The following NCAM2 variants were observed in gnomAD, a reference collection of about 807,000 sequenced individuals.
NCAM2 encodes neural cell adhesion molecule 2.
A neutral mutation model predicts 98.1 loss-of-function variants in NCAM2; 30 were observed. The ratio of observed to expected loss-of-function variants is 0.31; its 90% confidence interval spans 0.23 to 0.41. NCAM2 has a LOEUF of 0.41. Ranked by LOEUF, NCAM2 falls within the 10% of genes least tolerant of loss-of-function variation. NCAM2 has a pLI of 1.00. For synonymous variants in NCAM2, 368 were observed against 342.4 expected (o/e 1.07, Z -0.83); for missense variants, 867 against 1,005.8 (o/e 0.86, Z 1.87).
At chr21:21,171,027 A>G (rs1380641703) in intron 1 of NCAM2, among the ~76,000 whole-genome samples, 1 of 152,214 alleles carries the variant, frequency 6.6e-6, no homozygotes, top group Non-Finnish European at 1.5e-5. Flanking sequence ...TTTAAATTTG[A>G]TATTGTAATA....
intron 1 of NCAM2, among the ~76,000 whole-genome samples, chr21:21,202,934 G>A (rs10482917): frequency 6.6e-6 from 1 of 151,800 alleles, no homozygotes; most frequent in Admixed American, 6.6e-5. Context: ...TTTTTATCAG[G>A]GTATATCAGA....
intron 1 of NCAM2, among the ~76,000 whole-genome samples, chr21:21,027,080 A>G (rs181932340): frequency 4.6e-4 from 69 of 150,932 alleles, no homozygotes; most frequent in African/African-American, 1.6e-3. Context: ...CCGGTCTTCA[A>G]CTCCTGACCT....
In NCAM2 at chr21:21,319,704, T is replaced by G. The variant is rs925778799; in HGVS notation, c.620-4679T>G. 9.0e-3 allele frequency among the ~76,000 whole-genome samples: 26 copies of G among 2,888 alleles called. No individual in the cohort carries two copies. The East Asian group carries it at 0.31, about 34-fold the overall frequency. The allele number at this position is 2,888 out of a possible 152,430, so 1.9% of individuals were successfully genotyped here. On this transcript the variant is annotated intron_variant, in intron 5 of 17. Coordinates refer to ENST00000400546, the MANE Select transcript of NCAM2 (RefSeq NM_004540.5). ...AAAGGTCAATAATTTTAGTTGCCTC[T>G]TATTTTTTTTTTATTTTTGATCTTG...
chr21:21,333,278 A>T (rs961590660), intron 6 of NCAM2, among the ~76,000 whole-genome samples: 3 of 152,176 alleles, frequency 2.0e-5, no homozygotes, highest in Non-Finnish European at 4.4e-5. Context: ...TAATCTGTAC[A>T]CACTTATGTT....
intron 1 of NCAM2, among the ~76,000 whole-genome samples, chr21:21,114,714 A>G (rs1168260876): frequency 6.6e-6 from 1 of 152,340 alleles, no homozygotes; most frequent in Non-Finnish European, 1.5e-5. Context: ...ATAACAGACC[A>G]AACACACTTC....
intron 1 of NCAM2, among the ~76,000 whole-genome samples, chr21:21,195,220 T>C (rs1294677929): frequency 6.6e-6 from 1 of 152,190 alleles, no homozygotes; most frequent in Non-Finnish European, 1.5e-5. Context: ...ATGCATAAGT[T>C]TGTAAAATTG....
intron 1 of NCAM2, among the ~76,000 whole-genome samples, chr21:21,168,786 CA>C (rs2068033634): frequency 6.6e-6 from 1 of 152,008 alleles, no homozygotes; most frequent in African/African-American, 2.4e-5. Context: ...TGAATGATAT[CA>C]AAGAAGAACT....
intron 1 of NCAM2, among the ~76,000 whole-genome samples, chr21:21,093,057 G>A (rs1484875466): frequency 6.6e-5 from 10 of 151,756 alleles, no homozygotes; most frequent in Admixed American, 6.6e-4. Context: ...AGTAAATATA[G>A]GGATCAGAGG....
chr21:21,279,780 G>C (rs992124401), intron 1 of NCAM2, among the ~76,000 whole-genome samples: 1 of 152,172 alleles, frequency 6.6e-6, no homozygotes, highest in Non-Finnish European at 1.5e-5. Context: ...TCTAGTTTCA[G>C]ATCTTCCTTG....
At chr21:21,101,953 G>T (rs2066250870) in intron 1 of NCAM2, among the ~76,000 whole-genome samples, 1 of 151,978 alleles carries the variant, frequency 6.6e-6, no homozygotes, top group African/African-American at 2.4e-5. Context: ...ACCTGTTTCT[G>T]TTGGGTCTAG....
At chr21:21,182,749 T>C (rs898279220) in intron 1 of NCAM2, among the ~76,000 whole-genome samples, 5 of 152,278 alleles carry the variant, frequency 3.3e-5, no homozygotes, top group South Asian at 2.1e-4. Context: ...AAAGGCAATA[T>C]CTTTCTAAAA....
intron 5 of NCAM2, among the ~76,000 whole-genome samples, chr21:21,318,478 T>A (rs2074283550): frequency 6.6e-6 from 1 of 152,176 alleles, no homozygotes; most frequent in Non-Finnish European, 1.5e-5. Flanking sequence ...GTCGTAGACA[T>A]CTAGTGATGG....
At chr21:21,201,731 T>G (rs183589331) in intron 1 of NCAM2, among the ~76,000 whole-genome samples, 260 of 152,308 alleles carry the variant, frequency 1.7e-3, no homozygotes, top group Non-Finnish European at 2.4e-3. Context: ...CATTCCTAGC[T>G]GCACGATTGA....
intron 1 of NCAM2, among the ~76,000 whole-genome samples, chr21:21,043,755 G>A (rs984855495): frequency 4.0e-5 from 6 of 150,562 alleles, no homozygotes; most frequent in Non-Finnish European, 5.9e-5. Flanking sequence ...CTCGGTAGGC[G>A]TGACAGGAGA....
intron 9 of NCAM2, among the ~76,000 whole-genome samples, chr21:21,387,693 A>T (rs1471971579): frequency 2.0e-5 from 3 of 152,212 alleles, no homozygotes; most frequent in African/African-American, 4.8e-5. Context: ...TACTGAGGTT[A>T]GGGTTGTAAT....
rs138364370 is a variant in NCAM2 at position 21,090,557 on chromosome 21, A to G, written c.55+91939A>G. On this transcript the variant is annotated intron_variant, in intron 1 of 17. Coordinates refer to ENST00000400546, the MANE Select transcript of NCAM2 (RefSeq NM_004540.5). ...AATATCCCTTGCCTATTTTAGCTAT[A>G]ATGCTGCCTGCCTTCACCACTCTGC... Among the ~76,000 whole-genome samples the G allele has an allele frequency of 1.9e-3, 285 of 152,282 alleles. 2 individuals are homozygous for G. Among genetic ancestry groups the G allele is most frequent in the African/African-American group, 6.7e-3 (277 of 41,556 alleles).
chr21:21,261,704 G>A (rs1263200581), intron 1 of NCAM2, among the ~76,000 whole-genome samples: 1 of 152,110 alleles, frequency 6.6e-6, no homozygotes, highest in Non-Finnish European at 1.5e-5. Context: ...TTGGGATACA[G>A]CAAAAGTTGT....
intron 1 of NCAM2, among the ~76,000 whole-genome samples, chr21:21,172,212 T>A (rs2068148600): frequency 6.6e-6 from 1 of 151,782 alleles, no homozygotes; most frequent in Admixed American, 6.6e-5. Flanking sequence ...GAGGAAAAAA[T>A]AACAGATTTT....
At chr21:21,317,066 A>T (rs1221780263) in intron 5 of NCAM2, among the ~76,000 whole-genome samples, 1 of 152,168 alleles carries the variant, frequency 6.6e-6, no homozygotes, top group Non-Finnish European at 1.5e-5. Context: ...CAAGGGCAAT[A>T]CAAGACACCA....
Sources: allele counts gnomAD v4.1 joint callset (sites outside exome capture counted in the v4.1 genomes callset), GRCh38; gene constraint gnomAD v4.1.1; transcripts MANE v1.5; gene names NCBI Gene and HGNC (gene_info 2026-07-23, HGNC 2026-07-21).